Variants in TSC22D1 observed in about 807,000 individuals in gnomAD.
TSC22D1 encodes TSC22 domain family member 1.
In TSC22D1, 9 loss-of-function variants were observed where a neutral mutation model predicts 74.2. That is an observed-to-expected ratio of 0.12 (90% CI 0.07 to 0.21). The LOEUF (loss-of-function observed/expected upper bound fraction) is 0.21, where lower values mean the gene tolerates loss of function less well. TSC22D1 is among the 10% of genes least tolerant of loss of function. The pLI, the probability that TSC22D1 is intolerant of heterozygous loss-of-function variation, is 1.00. For synonymous variants in TSC22D1, 586 were observed against 492.5 expected, an observed-to-expected ratio of 1.19 and a Z score of -2.51; for missense variants, 1,427 against 1,304.7, an observed-to-expected ratio of 1.09 and a Z score of -1.44.
chr13:44,541,008 A>T (rs968695552), intron 1 of TSC22D1, among the ~76,000 whole-genome samples: 9 of 152,152 alleles, frequency 5.9e-5, no homozygotes, highest in African/African-American at 2.2e-4. Flanking sequence ...TTTCTAGGAC[A>T]TGTTATATTT....
intron 1 of TSC22D1, among the ~76,000 whole-genome samples, chr13:44,484,169 G>C (rs1415028744): frequency 2.0e-5 from 3 of 152,012 alleles, no homozygotes; most frequent in African/African-American, 7.3e-5. Flanking sequence ...GTAGGAACAG[G>C]TTTTAAAAAA....
Position 44,432,438 on chromosome 13 carries a change from T to C in TSC22D1, c.*2188A>G, listed in dbSNP as rs1228671330. 2 of 152,248 alleles carry C rather than the reference T, an allele frequency of 1.3e-5. No individual in the cohort carries two copies. Among genetic ancestry groups the C allele is most frequent in the Admixed American group, 6.5e-5 (1 of 15,294 alleles). 9.4% of individuals were successfully genotyped at this position (152,248 alleles called of 1,614,324 possible). ...ACTACGTAAGTATTCCTTTATTAAA[T>C]TTGAAGTTATATAACCAACAAGCCA... On this transcript the variant is annotated 3_prime_UTR_variant, in exon 3 of 3. Coordinates refer to ENST00000458659, the MANE Select transcript of TSC22D1 (RefSeq NM_183422.4).
Position 44,520,819 on chromosome 13 carries a change from G to GT in TSC22D1, c.2912+52343dup, listed in dbSNP as rs1880279532. Among the ~76,000 whole-genome samples, 9 of 152,296 alleles carry GT rather than the reference G, an allele frequency of 5.9e-5. 1 individual carries two copies. In the South Asian group the frequency reaches 1.7e-3, roughly 28 times the overall value. On this transcript the variant is annotated intron_variant, in intron 1 of 2. Transcript: ENST00000458659. ...CTGAAAAAGCTGCATATTACTCAAC[G>GT]TAAGTGTACTAGAATGTAATAAAAT...
At chr13:44,510,691 C>G (rs1224603042) in intron 1 of TSC22D1, among the ~76,000 whole-genome samples, 2 of 152,050 alleles carry the variant, frequency 1.3e-5, no homozygotes, top group Non-Finnish European at 2.9e-5. Flanking sequence ...CTCCCAGGTT[C>G]AAGGGATTCT....
chr13:44,496,267 G>A (rs1878971160), intron 1 of TSC22D1, among the ~76,000 whole-genome samples: 1 of 152,168 alleles, frequency 6.6e-6, no homozygotes, highest in Non-Finnish European at 1.5e-5. Flanking sequence ...AGCCACAAGA[G>A]GCCAGTGTAG....
intron 1 of TSC22D1, 71 bp downstream of exon 1, chr13:44,573,092 C>T: frequency 6.6e-7 from 1 of 1,522,460 alleles, no homozygotes; most frequent in Non-Finnish European, 8.8e-7. Context: ...TCATTTTGTG[C>T]ATACATATAG....
At chr13:44,436,374 C>A (rs1397056313) in intron 1 of TSC22D1, 3 of 1,273,960 alleles carry the variant, frequency 2.4e-6, no homozygotes, top group Non-Finnish European at 1.1e-6. Context: ...TTTAACATTT[C>A]GAAAAACAAC....
intron 1 of TSC22D1, among the ~76,000 whole-genome samples, chr13:44,540,602 A>C (rs1881410938): frequency 6.6e-6 from 1 of 152,200 alleles, no homozygotes; most frequent in Admixed American, 6.5e-5. Flanking sequence ...ATCCTTTTTA[A>C]AATGCATAAT....
At chr13:44,536,947 AAAAAAAAAAAAAC>A (rs1881175497) in intron 1 of TSC22D1, 6 of 825,400 alleles carry the variant, frequency 7.3e-6, no homozygotes, top group East Asian at 1.5e-4. Flanking sequence ...AAAAAAAAAA[AAAAAAAAAAAAAC>A]AAAAAAAACT....
At chr13:44,464,569 A>T (rs1421081802) in intron 1 of TSC22D1, among the ~76,000 whole-genome samples, 1 of 152,174 alleles carries the variant, frequency 6.6e-6, no homozygotes, top group African/African-American at 2.4e-5. Flanking sequence ...TTAAGTGATT[A>T]GTAAATGGGA....
At chr13:44,560,710 C>T (rs1882983018) in intron 1 of TSC22D1, among the ~76,000 whole-genome samples, 1 of 152,166 alleles carries the variant, frequency 6.6e-6, no homozygotes, top group Admixed American at 6.6e-5. Flanking sequence ...GGCAATACGA[C>T]TAAAACATGG....
rs773638922 is a variant in TSC22D1, at chr13:44,574,675, C to T, written c.1400G>A (p.Gly467Glu). The stretch of plus-strand genomic sequence containing the variant: ...GCTGACACTACTGCTCACTGAACTC[C>T]CACTAGTGCTCTCCCTTTCAGAAGT... ...EVTSERESTS[G>E]SSVSSSVSTL... Residue 467 changes from glycine (G) to glutamate (E), a missense_variant, in exon 1 of 3, where the codon GGG (glycine) becomes GAG (glutamate). By Grantham distance (98) the Gly-to-Glu change is moderately conservative (BLOSUM62 -2). This residue lies in a region of TSC22D1 where 1,343 missense variants were observed against 1,191.5 expected (regional missense o/e 1.13). Coordinates refer to ENST00000458659, the MANE Select transcript of TSC22D1 (RefSeq NM_183422.4). 2.8e-5 allele frequency: 45 copies of T among 1,613,988 alleles called. 2 individuals carry two copies. In the South Asian group the frequency reaches 4.7e-4, roughly 17 times the overall value.
intron 1 of TSC22D1, among the ~76,000 whole-genome samples, chr13:44,550,981 C>G (rs1232870869): frequency 6.6e-6 from 1 of 151,312 alleles, no homozygotes; most frequent in Non-Finnish European, 1.5e-5. Flanking sequence ...GTGGCGCCCA[C>G]CTGTAGTCTC....
chr13:44,572,021 T>C (rs1374626361), intron 1 of TSC22D1, among the ~76,000 whole-genome samples: 8 of 152,180 alleles, frequency 5.3e-5, no homozygotes. Flanking sequence ...AGAATATAAA[T>C]GCTTAAATTC....
intron 1 of TSC22D1, chr13:44,436,931 C>A: frequency 9.6e-7 from 1 of 1,043,352 alleles, no homozygotes; most frequent in Admixed American, 5.5e-5. Context: ...CCACTGGGAC[C>A]GCCCCCTACT....
At chr13:44,464,505 T>C (rs896884986) in intron 1 of TSC22D1, among the ~76,000 whole-genome samples, 1 of 152,204 alleles carries the variant, frequency 6.6e-6, no homozygotes, top group Admixed American at 6.5e-5. Context: ...ATAGTCTTTT[T>C]TTTTTCCCTA....
chr13:44,518,771 T>G (rs1880171253), intron 1 of TSC22D1, among the ~76,000 whole-genome samples: 1 of 152,162 alleles, frequency 6.6e-6, no homozygotes. Flanking sequence ...ACTTAGTCCA[T>G]CCCTTAATCA....
chr13:44,457,241 C>T (rs73188730), intron 1 of TSC22D1, among the ~76,000 whole-genome samples: 15,095 of 152,252 alleles, frequency 0.099, 782 homozygotes, highest in Non-Finnish European at 0.11. Context: ...GTAACAGCTA[C>T]CTCAGTTCGG....
chr13:44,440,029 CT>C (rs1875058243), intron 1 of TSC22D1, among the ~76,000 whole-genome samples: 1 of 152,190 alleles, frequency 6.6e-6, no homozygotes, highest in Admixed American at 6.5e-5. Flanking sequence ...TGTCTAAGGA[CT>C]CCCACGTCAC....
Sources: allele counts gnomAD v4.1 joint callset (sites outside exome capture counted in the v4.1 genomes callset), GRCh38; gene constraint gnomAD v4.1.1; regional missense constraint gnomAD v4.1.1; transcripts MANE v1.5; gene names NCBI Gene and HGNC (gene_info 2026-07-23, HGNC 2026-07-21).